ZNF521: variants seen among roughly 807,000 people sequenced by gnomAD.
The protein encoded by ZNF521 is zinc finger protein 521, also known as LYST-interacting protein 3.
In ZNF521, 14 loss-of-function variants were observed where a neutral mutation model predicts 105.5. That is an observed-to-expected ratio of 0.13 (90% confidence interval 0.09 to 0.21). The LOEUF (loss-of-function observed/expected upper bound fraction) is 0.21, where lower values mean the gene tolerates loss of function less well. Ranked by LOEUF, ZNF521 falls within the 10% of genes least tolerant of loss-of-function variation. ZNF521 has a pLI of 1.00. For synonymous variants in ZNF521, 635 were observed against 606.0 expected (o/e 1.05, Z -0.70); for missense variants, 1,233 against 1,629.7 (o/e 0.76, Z 4.19).
intron 5 of ZNF521, among the ~76,000 whole-genome samples, chr18:25,105,813 A>AG (rs1201253943): frequency 6.6e-6 from 1 of 152,206 alleles, no homozygotes; most frequent in Admixed American, 6.5e-5. Flanking sequence ...TATGATGCTT[A>AG]GTTTACTGGG....
At chr18:25,086,877 T>C (rs932115667) in intron 7 of ZNF521, among the ~76,000 whole-genome samples, 12 of 152,190 alleles carry the variant, frequency 7.9e-5, no homozygotes, top group Admixed American at 3.9e-4. Context: ...CACTAAAATT[T>C]CTATGCCTGT....
chr18:25,135,169 T>C (rs570643914), intron 5 of ZNF521, among the ~76,000 whole-genome samples: 10 of 151,912 alleles, frequency 6.6e-5, no homozygotes, highest in African/African-American at 1.9e-4. Flanking sequence ...ATTAGAAACA[T>C]GAATAAAAGG....
chr18:25,279,351 A>G (rs2144980122), intron 3 of ZNF521, among the ~76,000 whole-genome samples: 1 of 152,356 alleles, frequency 6.6e-6, no homozygotes, highest in African/African-American at 2.4e-5. Context: ...GACCAATACT[A>G]CAGTGGTTTG....
At chr18:25,102,253 A>C (rs1433097309) in intron 5 of ZNF521, among the ~76,000 whole-genome samples, 2 of 152,202 alleles carry the variant, frequency 1.3e-5, no homozygotes, top group African/African-American at 2.4e-5. Context: ...ATTTTTTTTA[A>C]ATTAAAAGAT....
Position 25,091,827 on chromosome 18 carries a change from C to T in ZNF521, c.3790+123G>A, listed in dbSNP as rs1278815597. The T allele has an allele frequency of 1.7e-5, 20 of 1,197,900 alleles. No individual in the cohort carries two copies. In the East Asian group the frequency reaches 3.8e-4, roughly 23 times the overall value. 74.2% of individuals were successfully genotyped at this position (1,197,900 alleles called of 1,614,324 possible). On this transcript the variant is annotated intron_variant, in intron 6 of 7. Transcript: ENST00000361524. ...TAATAAAGCAGAAATCAAACATCTT[C>T]CCCCCAAATTGAACTGAAGTCATGT...
Position 25,225,916 on chromosome 18 carries a change from G to A in ZNF521, c.2002C>T (p.Gln668Ter). Residue 668 changes from glutamine to a stop codon, truncating the protein, a stop_gained, in exon 4 of 8, where the codon CAG becomes TAG. Transcript: ENST00000361524. LOFTEE classifies it high-confidence loss of function. This position sits in a 1 kb window ranked among gnomAD's most constrained non-coding sequence, Gnocchi z 5.6. ...DTVLPKLTCPQCNKEFPNQES... is the reference protein window; with the variant it reads ...DTVLPKLTCP ...TGGTTGGGGAATTCCTTGTTGCACTGAGGACAGGTCAATTTTGGAAGCACA... is the reference window on the plus strand; with the variant it reads ...TGGTTGGGGAATTCCTTGTTGCACTAAGGACAGGTCAATTTTGGAAGCACA... 6.2e-7 allele frequency: 1 copy of A among 1,614,136 alleles called. No homozygotes were observed. Among genetic ancestry groups the A allele is most frequent in the Non-Finnish European group, 8.5e-7 (1 of 1,180,028 alleles).
chr18:25,337,138 A>C (rs936124614), intron 2 of ZNF521, among the ~76,000 whole-genome samples: 2 of 152,224 alleles, frequency 1.3e-5, no homozygotes, highest in African/African-American at 4.8e-5. Context: ...CTATATTCCC[A>C]GAAATATTCT....
intron 3 of ZNF521, among the ~76,000 whole-genome samples, chr18:25,313,839 G>A (rs1418749732): frequency 6.6e-6 from 1 of 152,110 alleles, no homozygotes; most frequent in Admixed American, 6.6e-5. Flanking sequence ...ATGGGCTGGA[G>A]AATGGAATCT....
chr18:25,213,769 A>C (rs1171328736), intron 4 of ZNF521, among the ~76,000 whole-genome samples: 1 of 152,136 alleles, frequency 6.6e-6, no homozygotes, highest in Non-Finnish European at 1.5e-5. Flanking sequence ...CTTTGGAGGA[A>C]AGATTTTCAA....
chr18:25,099,388 T>C (rs532610626), intron 5 of ZNF521, among the ~76,000 whole-genome samples: 98 of 152,172 alleles, frequency 6.4e-4, no homozygotes, highest in Non-Finnish European at 8.7e-4. Flanking sequence ...GGCTTCTTTA[T>C]TTCCCAAAAT....
intron 5 of ZNF521, among the ~76,000 whole-genome samples, chr18:25,147,515 G>C (rs982680932): frequency 6.6e-5 from 10 of 152,126 alleles, no homozygotes; most frequent in Non-Finnish European, 1.5e-4. Flanking sequence ...CAGGTTTCAT[G>C]CAGTAGACAA....
rs987337934 is a variant in ZNF521, at chr18:25,224,279, G to C, written c.3573+66C>G. ...GACAATAAATAAAGCTGTGGAGAGT[G>C]TAAACATAAAGCAGGGACCGTTTCT... On this transcript the variant is annotated intron_variant, in intron 4 of 7. Coordinates refer to ENST00000361524, the MANE Select transcript of ZNF521 (RefSeq NM_015461.3). 14 of 1,392,398 alleles carry C rather than the reference G, an allele frequency of 1.0e-5. No homozygotes were observed. The African/African-American group carries it at 2.0e-4, about 20-fold the overall frequency. The allele number at this position is 1,392,398 out of a possible 1,614,324, so 86.3% of individuals were successfully genotyped here.
At chr18:25,082,468 T>C (rs1460826897) in intron 7 of ZNF521, 7 of 406,920 alleles carry the variant, frequency 1.7e-5, no homozygotes, top group Non-Finnish European at 2.9e-5. Flanking sequence ...AACCCAGGGG[T>C]CCCAGCAGAA....
intron 5 of ZNF521, among the ~76,000 whole-genome samples, chr18:25,095,884 C>T (rs2033841825): frequency 6.6e-6 from 1 of 152,086 alleles, no homozygotes; most frequent in Admixed American, 6.6e-5. Flanking sequence ...CTTTCCAGAA[C>T]ACACAGAATA....
At chr18:25,173,781 C>T (rs960646371) in intron 5 of ZNF521, among the ~76,000 whole-genome samples, 2 of 152,134 alleles carry the variant, frequency 1.3e-5, no homozygotes, top group African/African-American at 4.8e-5. Flanking sequence ...TGTTCCAGTG[C>T]TATTTCTTTA....
At chr18:25,178,435 C>T (rs1310283416) in intron 5 of ZNF521, among the ~76,000 whole-genome samples, 2 of 152,132 alleles carry the variant, frequency 1.3e-5, no homozygotes, top group African/African-American at 2.4e-5. Context: ...TGAACATAAC[C>T]ACTTGCTACT....
chr18:25,170,120 CTT>C (rs543969497), intron 5 of ZNF521, among the ~76,000 whole-genome samples: 1 of 141,952 alleles, frequency 7.0e-6, no homozygotes. Context: ...TTCTTTCTTT[CTT>C]TTTTTTTTTT....
At chr18:25,332,482 A>C (rs1260961934) in intron 2 of ZNF521, among the ~76,000 whole-genome samples, 1 of 152,096 alleles carries the variant, frequency 6.6e-6, no homozygotes, top group African/African-American at 2.4e-5. Flanking sequence ...AAATACATAC[A>C]ACCCTAAATG....
intron 3 of ZNF521, among the ~76,000 whole-genome samples, chr18:25,289,954 T>C (rs1910920527): frequency 2.0e-5 from 3 of 152,192 alleles, no homozygotes; most frequent in African/African-American, 7.2e-5. Context: ...AACATGCCAT[T>C]ATTGGTCTCT....
Sources: allele counts gnomAD v4.1 joint callset (sites outside exome capture counted in the v4.1 genomes callset), GRCh38; gene constraint gnomAD v4.1.1; non-coding constraint Gnocchi (gnomAD v3.1); transcripts MANE v1.5; gene names NCBI Gene and HGNC (gene_info 2026-07-23, HGNC 2026-07-21).